Variants in SNAPC3 observed in about 807,000 individuals in gnomAD.
SNAPC3 encodes the protein snRNA-activating protein complex subunit 3.
In SNAPC3, 56 loss-of-function variants were observed where a neutral mutation model predicts 47.7. The observed-to-expected ratio is 1.18, with a 90% CI of 0.95 to 1.47. The LOEUF is 1.47. Ranked by LOEUF, SNAPC3 falls within the 40% of genes most tolerant of loss-of-function variation. The pLI is 0.00. For synonymous variants in SNAPC3, 235 were observed against 189.9 expected (o/e 1.24, Z -1.95); for missense variants, 665 against 511.3 (o/e 1.30, Z -2.90).
chr9:15,423,836 G>A (rs2030943995), intron 1 of SNAPC3, 73 bp from the exon 2 acceptor site: 4 of 871,768 alleles, frequency 4.6e-6, no homozygotes, highest in South Asian at 3.9e-5. Context: ...ATGTATTTAG[G>A]AAAACAACCC....
chr9:15,457,809 T>C (rs921633698), intron 7 of SNAPC3, 151 bp from the exon 8 acceptor site: 5 of 557,464 alleles, frequency 9.0e-6, no homozygotes, highest in Non-Finnish European at 1.5e-5. Flanking sequence ...TGGTGAAACA[T>C]GGCATAACAA....
chr9:15,428,933 G>A (rs546875628), intron 2 of SNAPC3, among the ~76,000 whole-genome samples: 2 of 152,066 alleles, frequency 1.3e-5, no homozygotes, highest in African/African-American at 4.8e-5. Flanking sequence ...CATAATTCAT[G>A]TTTAAAAACA....
intron 5 of SNAPC3, among the ~76,000 whole-genome samples, chr9:15,447,585 G>A (rs565439528): frequency 2.3e-4 from 35 of 151,578 alleles, no homozygotes; most frequent in African/African-American, 7.7e-4. Flanking sequence ...GTGCAGTGTC[G>A]CCATCTCAGC....
rs374301581 is a variant in SNAPC3 at position 15,448,477 on chromosome 9, C to G, written c.732+1233C>G. 7.9e-5 allele frequency among the ~76,000 whole-genome samples: 12 copies of G among 152,318 alleles called. No individual in the cohort carries two copies. The East Asian group carries it at 9.6e-4, about 12-fold the overall frequency. ...TCAGATTTCCAAACCCAGCTCAAAA[C>G]TCACCAATTATATGCAATTTTTCTT... On this transcript the variant is annotated intron_variant, in intron 5 of 8. Coordinates refer to ENST00000380821, the MANE Select transcript of SNAPC3 (RefSeq NM_001039697.2).
chr9:15,453,236 CCT>C, intron 7 of SNAPC3, 31 bp downstream of exon 7: 1 of 1,526,342 alleles, frequency 6.6e-7, no homozygotes, highest in Non-Finnish European at 8.9e-7. Context: ...CATTTTGTTA[CCT>C]TTTTTTTTCT....
chr9:15,448,588 CGT>C (rs2034123898), intron 5 of SNAPC3, among the ~76,000 whole-genome samples: 1 of 152,048 alleles, frequency 6.6e-6, no homozygotes, highest in African/African-American at 2.4e-5. Flanking sequence ...AATGTGTGTC[CGT>C]CTGCTCCACA....
chr9:15,423,067 T>C lies in SNAPC3; in HGVS notation c.188T>C (p.Leu63Pro). The C allele has an allele frequency of 6.6e-7, 1 of 1,516,188 alleles. No individual in the cohort carries two copies. The highest frequency in any genetic ancestry group is 8.8e-7 in the Non-Finnish European group (1 of 1,140,978). 93.9% of individuals were successfully genotyped at this position (1,516,188 alleles called of 1,614,324 possible). A position where few individuals can be genotyped will look rare whatever the true frequency, so the allele number is the denominator to read the frequency against. ...CTGCGCGGGGCCGGGGACTTGTCGCTGAGGGAGCCGCCGGCATCCGCTCTG... is the reference window on the plus strand; with the variant it reads ...CTGCGCGGGGCCGGGGACTTGTCGCCGAGGGAGCCGCCGGCATCCGCTCTG... ...GRLRGAGDLS[L>P]REPPASALPG... Residue 63 changes from leucine (L) to proline (P), a missense_variant, in exon 1 of 9, where the codon CTG becomes CCG. Transcript: ENST00000380821.
intron 3 of SNAPC3, among the ~76,000 whole-genome samples, chr9:15,440,131 C>A (rs1013334162): frequency 1.3e-5 from 2 of 152,184 alleles, no homozygotes; most frequent in African/African-American, 4.8e-5. Context: ...TGTCCATTAA[C>A]ATAACCTTGT....
At chr9:15,436,820 G>GTTTT (rs34768913) in intron 3 of SNAPC3, among the ~76,000 whole-genome samples, 1 of 84,656 alleles carries the variant, frequency 1.2e-5, no homozygotes, top group African/African-American at 4.5e-5. Flanking sequence ...TCTTACAGCA[G>GTTTT]TTTTTTTTTT....
At chr9:15,466,573 T>C (rs558599837), downstream of SNAPC3, among the ~76,000 whole-genome samples, 16 of 152,324 alleles carry the variant, frequency 1.1e-4, no homozygotes, top group African/African-American at 3.6e-4. Flanking sequence ...AAAGTCACTG[T>C]CAATAAAAGG....
chr9:15,429,417 G>A (rs550666334), intron 2 of SNAPC3, among the ~76,000 whole-genome samples: 1 of 152,188 alleles, frequency 6.6e-6, no homozygotes, highest in Non-Finnish European at 1.5e-5. Flanking sequence ...GAGAGGATGA[G>A]GGTGGAAGAT....
At chr9:15,438,439 T>C (rs1563844241) in intron 3 of SNAPC3, among the ~76,000 whole-genome samples, 1 of 152,132 alleles carries the variant, frequency 6.6e-6, no homozygotes, top group Non-Finnish European at 1.5e-5. Flanking sequence ...TTTATTGATT[T>C]TTCTGTATTT....
intron 3 of SNAPC3, among the ~76,000 whole-genome samples, chr9:15,435,339 G>A (rs1169889630): frequency 2.0e-5 from 3 of 152,134 alleles, no homozygotes; most frequent in South Asian, 2.1e-4. Flanking sequence ...TTGGGAGGCC[G>A]AGGTGGGTGG....
chr9:15,431,297 C>G (rs916889780), intron 2 of SNAPC3, among the ~76,000 whole-genome samples: 2 of 152,190 alleles, frequency 1.3e-5, no homozygotes, highest in African/African-American at 4.8e-5. Context: ...TCGTCTGGAT[C>G]TCTGTCCAGG....
chr9:15,422,883 GC>G lies in SNAPC3; in HGVS notation c.5del (p.Ala2ValfsTer36). 6.5e-7 allele frequency: 1 copy of G among 1,535,974 alleles called. No homozygotes were observed. The highest frequency in any genetic ancestry group is 8.8e-7 in the Non-Finnish European group (1 of 1,141,346). On this transcript the variant is annotated frameshift_variant, in exon 1 of 9. Transcript: ENST00000380821. LOFTEE classifies it high-confidence loss of function. ...CAGGGGAAGGAGTGGGGCGAACATG[GC>G]TGAAGGAAGCCGAGGTGGCCCTACG... M[A>X]EGSRGGPTCS...
intron 2 of SNAPC3, among the ~76,000 whole-genome samples, chr9:15,426,113 C>G (rs1163548525): frequency 6.6e-6 from 1 of 152,178 alleles, no homozygotes; most frequent in Non-Finnish European, 1.5e-5. Context: ...CTCGGCCTCC[C>G]AAAGTGTTGG....
At chr9:15,453,927 T>G (rs1185818869) in intron 7 of SNAPC3, among the ~76,000 whole-genome samples, 1 of 152,168 alleles carries the variant, frequency 6.6e-6, no homozygotes, top group Non-Finnish European at 1.5e-5. Context: ...TAATTAGTAA[T>G]TTATTATACC....
At chr9:15,436,901 G>A (rs2032864754) in intron 3 of SNAPC3, among the ~76,000 whole-genome samples, 4 of 142,374 alleles carry the variant, frequency 2.8e-5, no homozygotes, top group Admixed American at 2.2e-4. Context: ...TTGGCTCACC[G>A]CAACCTTCGC....
Position 15,433,581 on chromosome 9 carries a change from A to T in SNAPC3, c.422A>T (p.Glu141Val), listed in dbSNP as rs1263350446. ...GVRKRFLEHR[E>V]ETITIDRACR... ...AGAAAAAGGTTCTTGGAACATCGGG[A>T]AGAAACCATTACAATAGATCGAGCC... Residue 141 changes from glutamate (E) to valine (V), a missense_variant, in exon 3 of 9, where the codon GAA (glutamate) becomes GTA (valine). Coordinates refer to ENST00000380821, the MANE Select transcript of SNAPC3 (RefSeq NM_001039697.2). The T allele has an allele frequency of 6.2e-7, 1 of 1,609,412 alleles. No homozygotes were observed. Among genetic ancestry groups the T allele is most frequent in the African/African-American group, 1.3e-5 (1 of 74,750 alleles).
Sources: gnomAD v4.1 joint callset for allele counts (sites outside exome capture counted in the v4.1 genomes callset) on GRCh38, gnomAD v4.1.1 for gene constraint, MANE v1.5 for transcripts, NCBI Gene and HGNC (gene_info 2026-07-23, HGNC 2026-07-21) for gene names.